The following CSNK1G1 variants were observed in gnomAD, a reference collection of about 807,000 sequenced individuals.
CSNK1G1 encodes the protein casein kinase 1 gamma 1, also known as casein kinase I isoform gamma-1.
A neutral mutation model predicts 59.6 loss-of-function variants in CSNK1G1; 22 were observed. The observed-to-expected ratio is 0.37, with a 90% confidence interval of 0.26 to 0.53. The LOEUF is 0.53. CSNK1G1 is among the 20% of genes least tolerant of loss of function. The pLI, the probability that CSNK1G1 is intolerant of heterozygous loss-of-function variation, is 0.89. For missense variants in CSNK1G1, 384 were observed against 519.5 expected (o/e 0.74, Z 2.54); for synonymous variants, 179 against 177.1 (o/e 1.01, Z -0.08).
intron 2 of CSNK1G1, among the ~76,000 whole-genome samples, chr15:64,285,692 T>C (rs2140374939): frequency 6.6e-6 from 1 of 152,272 alleles, no homozygotes; most frequent in South Asian, 2.1e-4. Flanking sequence ...GCATTTACTG[T>C]TTCAGCTTTT....
At chr15:64,207,213 T>C (rs985686014) in intron 7 of CSNK1G1, among the ~76,000 whole-genome samples, 2 of 152,214 alleles carry the variant, frequency 1.3e-5, no homozygotes, top group Non-Finnish European at 2.9e-5. Context: ...ATGTAATTAG[T>C]CCCTGCTTCT....
chr15:64,274,439 T>G (rs1893493555), intron 2 of CSNK1G1, among the ~76,000 whole-genome samples: 1 of 152,042 alleles, frequency 6.6e-6, no homozygotes, highest in South Asian at 2.1e-4. Context: ...AGCATACCAA[T>G]AACTATGAGG....
chr15:64,312,615 T>G (rs933874901), intron 1 of CSNK1G1, among the ~76,000 whole-genome samples: 2 of 152,132 alleles, frequency 1.3e-5, no homozygotes, highest in Admixed American at 6.6e-5. Flanking sequence ...CAAGATGGAT[T>G]AAAGACTTAA....
intron 1 of CSNK1G1, among the ~76,000 whole-genome samples, chr15:64,350,614 T>C (rs893499215): frequency 5.9e-5 from 9 of 152,232 alleles, no homozygotes; most frequent in Non-Finnish European, 1.3e-4. Flanking sequence ...GTCATCATCC[T>C]GTATAACTCA....
chr15:64,279,163 A>C (rs1893984693), intron 2 of CSNK1G1, among the ~76,000 whole-genome samples: 1 of 152,180 alleles, frequency 6.6e-6, no homozygotes, highest in African/African-American at 2.4e-5. Flanking sequence ...AAGCACACAA[A>C]CGTTAACTGT....
chr15:64,343,477 T>C (rs1405565661), intron 1 of CSNK1G1, among the ~76,000 whole-genome samples: 1 of 152,092 alleles, frequency 6.6e-6, no homozygotes, highest in Non-Finnish European at 1.5e-5. Flanking sequence ...CAGATGCACC[T>C]CACCCAAGAT....
chr15:64,234,591 T>G (rs905857127), intron 4 of CSNK1G1, among the ~76,000 whole-genome samples: 1 of 152,226 alleles, frequency 6.6e-6, no homozygotes, highest in African/African-American at 2.4e-5. Flanking sequence ...GACCACACAC[T>G]AGCTCTCAGT....
intron 2 of CSNK1G1, among the ~76,000 whole-genome samples, chr15:64,286,366 G>C (rs1239565220): frequency 6.6e-6 from 1 of 150,518 alleles, no homozygotes; most frequent in Non-Finnish European, 1.5e-5. Context: ...ACATGTTATT[G>C]TTAACAATAT....
chr15:64,241,766 T>C (rs909724769), intron 4 of CSNK1G1, among the ~76,000 whole-genome samples: 3 of 149,552 alleles, frequency 2.0e-5, no homozygotes, highest in African/African-American at 7.4e-5. Context: ...AAAGTAGAGA[T>C]TTCAAATAAA....
Position 64,341,662 on chromosome 15 carries a change from A to G in CSNK1G1, c.-225+14326T>C, listed in dbSNP as rs188798447. On this transcript the variant is annotated intron_variant, in intron 1 of 11. Transcript: ENST00000303052. The stretch of plus-strand genomic sequence containing the variant: ...TAATTTTTTTTTATTTTTTATAGAG[A>G]CAGAGTCTTGCTATGTTGCCCAAGC... Among the ~76,000 whole-genome samples the G allele has an allele frequency of 3.3e-5, 5 of 152,016 alleles. No homozygotes were observed. The East Asian group carries it at 9.7e-4, about 29-fold the overall frequency.
intron 10 of CSNK1G1, among the ~76,000 whole-genome samples, chr15:64,190,171 A>C (rs1262565093): frequency 6.6e-6 from 1 of 152,048 alleles, no homozygotes; most frequent in Non-Finnish European, 1.5e-5. Flanking sequence ...CAAGAGTATT[A>C]TAAAGGATCC....
At chr15:64,346,653 T>A (rs1596304647) in intron 1 of CSNK1G1, among the ~76,000 whole-genome samples, 1 of 151,958 alleles carries the variant, frequency 6.6e-6, no homozygotes, top group Non-Finnish European at 1.5e-5. Flanking sequence ...AAATGAGGTT[T>A]CACCACATTG....
intron 4 of CSNK1G1, among the ~76,000 whole-genome samples, chr15:64,245,981 G>C (rs112049453): frequency 0.02 from 3,017 of 152,188 alleles, 78 homozygotes; most frequent in African/African-American, 0.063. Flanking sequence ...TGGTTAATGG[G>C]TACAAACATA....
At chr15:64,275,691 G>A (rs1459053967) in intron 2 of CSNK1G1, among the ~76,000 whole-genome samples, 1 of 151,968 alleles carries the variant, frequency 6.6e-6, no homozygotes, top group East Asian at 1.9e-4. Context: ...CCATTAGTGG[G>A]ATATAAAGTA....
chr15:64,185,649 AG>A (rs2081882384), intron 10 of CSNK1G1, among the ~76,000 whole-genome samples: 1 of 152,114 alleles, frequency 6.6e-6, no homozygotes, highest in African/African-American at 2.4e-5. Context: ...GGATCACTTG[AG>A]GTCAGGAGTT....
chr15:64,173,407 A>C (rs756609500), intron 11 of CSNK1G1, among the ~76,000 whole-genome samples: 29 of 152,302 alleles, frequency 1.9e-4, no homozygotes, highest in Admixed American at 5.2e-4. Flanking sequence ...CTTTGGAAAG[A>C]TTTTCTCTGA....
chr15:64,293,920 G>T (rs1311123893), intron 2 of CSNK1G1, among the ~76,000 whole-genome samples: 3 of 151,742 alleles, frequency 2.0e-5, no homozygotes, highest in Non-Finnish European at 2.9e-5. Flanking sequence ...AAAAAGTTGG[G>T]GACTGCAGGA....
chr15:64,323,329 T>C (rs1384694344), intron 1 of CSNK1G1, among the ~76,000 whole-genome samples: 1 of 152,172 alleles, frequency 6.6e-6, no homozygotes, highest in Non-Finnish European at 1.5e-5. Context: ...ATTTAACTTT[T>C]GTCCAGTCTC....
At chr15:64,181,214 C>T in intron 10 of CSNK1G1, 1 of 1,532,844 alleles carries the variant, frequency 6.5e-7, no homozygotes, top group Non-Finnish European at 8.7e-7. Context: ...AGGTTCACTG[C>T]CATCCCAGTT....
Sources: gnomAD v4.1 joint callset for allele counts (sites outside exome capture counted in the v4.1 genomes callset) on GRCh38, gnomAD v4.1.1 for gene constraint, MANE v1.5 for transcripts, NCBI Gene and HGNC (gene_info 2026-07-23, HGNC 2026-07-21) for gene names.